Variants in CFAP46 observed in about 807,000 individuals in gnomAD.
CFAP46 encodes cilia and flagella associated protein 46.
A neutral mutation model predicts 325.7 loss-of-function variants in CFAP46; 245 were observed. That is an observed-to-expected ratio of 0.75 (90% confidence interval 0.68 to 0.84). The LOEUF is 0.84. CFAP46 is among the 40% of genes least tolerant of loss of function. CFAP46 has a pLI of 0.00. For synonymous variants in CFAP46, 1,523 were observed against 1,495.9 expected (o/e 1.02, Z -0.42); for missense variants, 3,346 against 3,543.0 (o/e 0.94, Z 1.41).
intron 35 of CFAP46, 27 bp downstream of exon 35, chr10:132,865,998 G>C (rs994369892): frequency 7.2e-5 from 106 of 1,471,150 alleles, no homozygotes; most frequent in Non-Finnish European, 8.7e-5. Context: ...GGCTGTGGAT[G>C]GTGATGGGCT....
chr10:132,816,463 C>T (rs943301173), intron 50 of CFAP46, among the ~76,000 whole-genome samples: 5 of 151,786 alleles, frequency 3.3e-5, no homozygotes, highest in African/African-American at 1.2e-4. Context: ...TCCCGAGTAG[C>T]TGGGATTACA....
At chr10:132,916,422 C>A in intron 17 of CFAP46, 127 bp downstream of exon 17, 2 of 1,023,144 alleles carry the variant, frequency 2.0e-6, no homozygotes, top group African/African-American at 1.7e-5. Flanking sequence ...ATGGACACGT[C>A]CCCCACGCAA....
chr10:132,826,234 C>G (rs1180281208), intron 50 of CFAP46, among the ~76,000 whole-genome samples: 1 of 137,050 alleles, frequency 7.3e-6, no homozygotes, highest in African/African-American at 2.9e-5. Context: ...CGGAGCCAGG[C>G]AGGAGCCGGA....
Position 132,835,417 on chromosome 10 carries a change from G to A in CFAP46, c.6631C>T (p.Arg2211Cys), listed in dbSNP as rs1449150500. ...QAVGGSCKVMRLAISPTAFSH... is the reference protein window; with the variant it reads ...QAVGGSCKVMCLAISPTAFSH... ...AAGGCAGTGGGACTTATGGCCAGACGCATCACCTTGCAGGAGCCTGTGGGG... is the reference window on the plus strand; with the variant it reads ...AAGGCAGTGGGACTTATGGCCAGACACATCACCTTGCAGGAGCCTGTGGGG... The change falls in exon 47 of 58, where the codon CGT becomes TGT. Residue 2211 changes from arginine (R) to cysteine (C), a missense_variant. Coordinates refer to ENST00000368586, the MANE Select transcript of CFAP46 (RefSeq NM_001200049.3). 5 of 1,613,342 alleles carry A rather than the reference G, an allele frequency of 3.1e-6. No individual in the cohort carries two copies. The highest frequency in any genetic ancestry group is 2.2e-5 in the East Asian group (1 of 44,882).
intron 25 of CFAP46, among the ~76,000 whole-genome samples, chr10:132,891,314 G>A (rs1232107864): frequency 1.3e-5 from 2 of 152,168 alleles, no homozygotes; most frequent in Admixed American, 6.5e-5. Context: ...AACGAGTTTG[G>A]TGGGGTCGGG....
rs142539335 is a variant in CFAP46 at position 132,877,930 on chromosome 10, T to C, written c.4163A>G (p.Glu1388Gly). 0.025 allele frequency: 38,088 copies of C among 1,550,242 alleles called. 508 individuals are homozygous for C. The highest frequency in any genetic ancestry group is 0.03 in the Non-Finnish European group (34,101 of 1,146,686). Residue 1388 changes from glutamate (E) to glycine (G), a missense_variant, in exon 30 of 58, where the codon GAG becomes GGG. Coordinates refer to ENST00000368586, the MANE Select transcript of CFAP46 (RefSeq NM_001200049.3). The surrounding 1 kb of genome is among the most constrained non-coding windows in gnomAD (Gnocchi z 5.7). ...SKEKENERSK[E>G]KDKEKGKEEK... ...CTCCTTTCCCTTCTCCTTGTCCTTCTCTTTACTCCTCTCATTCTCCTTCTC... is the reference window on the plus strand; with the variant it reads ...CTCCTTTCCCTTCTCCTTGTCCTTCCCTTTACTCCTCTCATTCTCCTTCTC...
At chr10:132,818,390 A>T (rs559591919) in intron 50 of CFAP46, among the ~76,000 whole-genome samples, 99 of 152,246 alleles carry the variant, frequency 6.5e-4, no homozygotes, top group Non-Finnish European at 1.2e-3. Flanking sequence ...TATTTTCATG[A>T]TCATGAGGTG....
At position 132,928,584 on chromosome 10, in the gene CFAP46, G is replaced by A. The variant is rs549924273; in HGVS notation, c.966+1121C>T. Among the ~76,000 whole-genome samples, 190 of 152,316 alleles carry A rather than the reference G, an allele frequency of 1.2e-3. 2 individuals are homozygous for A. The highest frequency in any genetic ancestry group is 6.8e-3 in the Middle Eastern group (2 of 294). ...GCTCCCCCCGTGCTGAGCCATGGCC[G>A]TGTCTCCTGCGCCACTGATGGTTGG... On this transcript the variant is annotated intron_variant, in intron 9 of 57. Coordinates refer to ENST00000368586, the MANE Select transcript of CFAP46 (RefSeq NM_001200049.3).
intron 50 of CFAP46, among the ~76,000 whole-genome samples, chr10:132,823,775 TGTGTG>T: frequency 9.5e-6 from 1 of 104,920 alleles, no homozygotes; most frequent in Admixed American, 1.2e-4. Context: ...TGCTGTGTGC[TGTGTG>T]TGCACTGATG....
At chr10:132,834,267 G>C (rs3793690) in intron 48 of CFAP46, 144 bp from the exon 49 acceptor site, 1 of 752,052 alleles carries the variant, frequency 1.3e-6, no homozygotes, top group Non-Finnish European at 2.1e-6. Flanking sequence ...TCCCACTGAG[G>C]TGGGGCCGGG....
intron 19 of CFAP46, among the ~76,000 whole-genome samples, chr10:132,911,336 G>A (rs552334521): frequency 1.8e-3 from 280 of 152,342 alleles, no homozygotes; most frequent in African/African-American, 6.2e-3. Flanking sequence ...GACTGTGAGC[G>A]TTGTGAGTGC....
chr10:132,860,638 AC>A lies in CFAP46; in HGVS notation c.5092-116del, dbSNP rs910897090. 7 of 1,177,992 alleles carry A rather than the reference AC, an allele frequency of 5.9e-6. No individual in the cohort carries two copies. In the African/African-American group the frequency reaches 7.6e-5, roughly 13 times the overall value. The allele number at this position is 1,177,992 out of a possible 1,614,324, so 73.0% of individuals were successfully genotyped here. A position where few individuals can be genotyped will look rare whatever the true frequency, so the allele number is the denominator to read the frequency against. On this transcript the variant is annotated intron_variant, in intron 36 of 57. Transcript: ENST00000368586. The stretch of plus-strand genomic sequence containing the variant: ...GGCCTGAGGACAGGCGGGGGTAGAT[AC>A]GGGTGTGTCTGAGGGTGGGGCAGGG...
chr10:132,932,527 GGCCTGGGT>G (rs1849927706), intron 8 of CFAP46, among the ~76,000 whole-genome samples: 1 of 107,136 alleles, frequency 9.3e-6, no homozygotes, highest in Non-Finnish European at 1.9e-5. Flanking sequence ...CCTGACACAG[GGCCTGGGT>G]CTTCCCACGC....
chr10:132,886,060 G>A lies in CFAP46; in HGVS notation c.3305-101C>T. On this transcript the variant is annotated intron_variant, in intron 25 of 57. Transcript: ENST00000368586. The surrounding 1 kb of genome is among the most constrained non-coding windows in gnomAD (Gnocchi z 5.8). ...AGCTGCCCATCACAGTGCCCCTGAG[G>A]TGGAACCGCGGCTACAGAGGTGCCC... The A allele has an allele frequency of 3.5e-6, 5 of 1,432,426 alleles. No homozygotes were observed. The highest frequency in any genetic ancestry group is 3.8e-6 in the Non-Finnish European group (4 of 1,060,260). 88.7% of individuals were successfully genotyped at this position (1,432,426 alleles called of 1,614,324 possible).
intron 45 of CFAP46, 127 bp from the exon 46 acceptor site, chr10:132,836,345 CCCTCCCCGTGTGCG>C (rs1848247685): frequency 1.2e-6 from 1 of 828,708 alleles, no homozygotes; most frequent in Non-Finnish European, 2.0e-6. Context: ...CCCAGCAGGG[CCCTCCCCGTGTGCG>C]CCTCCAGGGG....
chr10:132,909,280 G>T, intron 20 of CFAP46, 36 bp from the exon 21 acceptor site: 1 of 1,434,840 alleles, frequency 7.0e-7, no homozygotes, highest in Non-Finnish European at 9.6e-7. Flanking sequence ...ATCAGCCCAA[G>T]CGTGCGGGGG....
chr10:132,864,924 C>CA (rs1391819698), intron 35 of CFAP46, among the ~76,000 whole-genome samples: 1 of 149,104 alleles, frequency 6.7e-6, no homozygotes, highest in Non-Finnish European at 1.5e-5. Context: ...GACCTGCACA[C>CA]ACCTGCCCTC....
chr10:132,879,540 C>G lies in CFAP46; in HGVS notation c.3891G>C (p.Gln1297His). The change falls in exon 29 of 58, where the codon CAG becomes CAC. Residue 1297 changes from glutamine (Q) to histidine (H), a missense_variant. By Grantham distance (24) the Gln-to-His change is conservative. Coordinates refer to ENST00000368586, the MANE Select transcript of CFAP46 (RefSeq NM_001200049.3). ...VSLEQLRSVR[Q>H]LEALARVHIL... ...TGTGCACGCGGGCCAGCGCCTCCAGCTGCCGCACGCTACGCAGCTGCTCCA... is the reference window on the plus strand; with the variant it reads ...TGTGCACGCGGGCCAGCGCCTCCAGGTGCCGCACGCTACGCAGCTGCTCCA... 6.5e-7 allele frequency: 1 copy of G among 1,547,392 alleles called. No homozygotes were observed. Among genetic ancestry groups the G allele is most frequent in the Non-Finnish European group, 8.7e-7 (1 of 1,146,128 alleles).
At chr10:132,907,582 T>C (rs1020257313) in intron 22 of CFAP46, among the ~76,000 whole-genome samples, 2 of 152,372 alleles carry the variant, frequency 1.3e-5, no homozygotes, top group East Asian at 3.9e-4. Flanking sequence ...TCAAAATTAC[T>C]TCAAAGCTGT....
Sources: allele counts gnomAD v4.1 joint callset (sites outside exome capture counted in the v4.1 genomes callset), GRCh38; gene constraint gnomAD v4.1.1; non-coding constraint Gnocchi (gnomAD v3.1); transcripts MANE v1.5; gene names NCBI Gene and HGNC (gene_info 2026-07-23, HGNC 2026-07-21).